CCDC77: variants seen among roughly 807,000 people sequenced by gnomAD.
The protein encoded by CCDC77 is coiled-coil domain-containing protein 77.
Under a neutral mutation model 66.8 loss-of-function variants are expected in CCDC77, and 56 were observed. The observed-to-expected ratio is 0.84, with a 90% CI of 0.68 to 1.05. CCDC77 has a LOEUF of 1.05. Among genes scored for constraint, CCDC77 ranks in the 50% least tolerant of loss-of-function variants. CCDC77 has a pLI of 0.00. For missense variants in CCDC77, 570 were observed against 576.8 expected, an observed-to-expected ratio of 0.99 and a Z score of 0.12; for synonymous variants, 196 against 195.2, an observed-to-expected ratio of 1.00 and a Z score of -0.03.
upstream of CCDC77, among the ~76,000 whole-genome samples, chr12:397,852 T>C (rs1417816410): frequency 7.2e-5 from 11 of 152,168 alleles, no homozygotes; most frequent in Admixed American, 7.2e-4. Context: ...TTCACTGTCT[T>C]AGCCAGGATG....
At chr12:393,296 T>A (rs1276900572) in intron 1 of CCDC77, among the ~76,000 whole-genome samples, 2 of 151,904 alleles carry the variant, frequency 1.3e-5, no homozygotes, top group African/African-American at 4.8e-5. Context: ...AATTTTTTTG[T>A]AGACATGGGA....
In CCDC77 at chr12:391,471, T is replaced by G. The variant is rs539546651; in HGVS notation, c.-113+1985T>G. Among the ~76,000 whole-genome samples the G allele has an allele frequency of 6.6e-5, 10 of 152,102 alleles. No individual in the cohort carries two copies. The South Asian group carries it at 1.9e-3, about 28-fold the overall frequency. ...ACTCTGTCTCCAAAAAAAAAAAAATTTACAACAAAGTCTTTGATTTTTACC... is the reference window on the plus strand; with the variant it reads ...ACTCTGTCTCCAAAAAAAAAAAAATGTACAACAAAGTCTTTGATTTTTACC... On this transcript the variant is annotated intron_variant, in intron 1 of 11. Transcript: ENST00000422000.
chr12:425,685 T>G (rs1230312865), intron 5 of CCDC77, among the ~76,000 whole-genome samples: 2 of 152,068 alleles, frequency 1.3e-5, no homozygotes, highest in Non-Finnish European at 2.9e-5. Context: ...ATCACAGCCT[T>G]AAAAACTTCA....
chr12:389,581 G>C (rs941707895), intron 1 of CCDC77: 2 of 278,578 alleles, frequency 7.2e-6, no homozygotes, highest in East Asian at 1.2e-4. Context: ...CAACGAGGCG[G>C]GGCGAGGCGC....
chr12:396,772 T>A (rs1414575159), upstream of CCDC77, among the ~76,000 whole-genome samples: 1 of 152,336 alleles, frequency 6.6e-6, no homozygotes, highest in Non-Finnish European at 1.5e-5. Flanking sequence ...GTTCAGGAGA[T>A]GACCACATCA....
intron 5 of CCDC77, among the ~76,000 whole-genome samples, chr12:423,487 T>G (rs1383627577): frequency 6.3e-5 from 2 of 31,626 alleles, no homozygotes; most frequent in African/African-American, 1.5e-4. Flanking sequence ...GTGTTTTTTT[T>G]TGTTTTGTTT....
chr12:410,860 T>C (rs976413026), intron 3 of CCDC77, among the ~76,000 whole-genome samples: 1 of 152,240 alleles, frequency 6.6e-6, no homozygotes, highest in Non-Finnish European at 1.5e-5. Context: ...ATATGTCTTA[T>C]GGTACTACAT....
In CCDC77 at chr12:418,588, G is replaced by A. The variant is rs992245217; in HGVS notation, c.365G>A (p.Arg122Gln). 5.6e-6 allele frequency: 9 copies of A among 1,614,002 alleles called. No individual in the cohort carries two copies. The highest frequency in any genetic ancestry group is 5.3e-5 in the African/African-American group (4 of 74,922). ...SDMQVCLFQE[R>Q]EHVLRLYSEN... The stretch of plus-strand genomic sequence containing the variant: ...ATGCAGGTCTGCCTCTTCCAGGAAC[G>A]GGAACATGTTTTACGCCTCTACTCA... Residue 122 changes from arginine to glutamine, a missense_variant, in exon 5 of 13, where the codon CGG (arginine) becomes CAG (glutamine). Coordinates refer to ENST00000239830, the MANE Select transcript of CCDC77 (RefSeq NM_032358.4).
chr12:389,362 C>T, exon 1 of CCDC77: 2 of 607,366 alleles, frequency 3.3e-6, no homozygotes, highest in Non-Finnish European at 6.0e-6. Context: ...CCTTCCGCAG[C>T]TGCACGACGC....
intron 7 of CCDC77, among the ~76,000 whole-genome samples, 200 bp downstream of exon 7, chr12:430,936 C>T (rs558457041): frequency 4.0e-5 from 6 of 151,840 alleles, no homozygotes; most frequent in South Asian, 4.2e-4. Flanking sequence ...AAAAACTAGC[C>T]GGGTGTGGTG....
At chr12:428,532 A>G (rs2137598166) in intron 5 of CCDC77, among the ~76,000 whole-genome samples, 1 of 150,252 alleles carries the variant, frequency 6.7e-6, no homozygotes, top group Non-Finnish European at 1.5e-5. Context: ...AAAAAAAAAA[A>G]AAAAGAATTA....
At chr12:396,302 G>C (rs1944827743) in intron 1 of CCDC77, among the ~76,000 whole-genome samples, 1 of 152,172 alleles carries the variant, frequency 6.6e-6, no homozygotes, top group East Asian at 1.9e-4. Flanking sequence ...TGAGCCCAGA[G>C]AATCGCTTGA....
intron 4 of CCDC77, among the ~76,000 whole-genome samples, chr12:416,334 GGTGTGT>G (rs752778079): frequency 7.9e-5 from 4 of 50,794 alleles, no homozygotes; most frequent in East Asian, 4.5e-4. Flanking sequence ...TGAGTCTGTG[GGTGTGT>G]GGGGGTGTGT....
intron 1 of CCDC77, among the ~76,000 whole-genome samples, chr12:395,560 CAATAAAAATAATAATAAAT>C (rs1565559997): frequency 2.0e-5 from 3 of 150,732 alleles, no homozygotes. Context: ...GAAAAAAAAA[CAATAAAAATAATAATAAAT>C]AATAAAAATA....
chr12:416,912 G>A (rs551090735), intron 4 of CCDC77, among the ~76,000 whole-genome samples: 19 of 90,496 alleles, frequency 2.1e-4, no homozygotes, highest in South Asian at 1.3e-3. Context: ...GTTCGAGGCC[G>A]GCGGATCACC....
At chr12:418,920 A>C in intron 5 of CCDC77, 1 of 323,076 alleles carries the variant, frequency 3.1e-6, no homozygotes, top group Non-Finnish European at 5.8e-6. Context: ...GCTGGTCTCG[A>C]ACTCTTGGCC....
chr12:398,441 C>T (rs1471223471), upstream of CCDC77, among the ~76,000 whole-genome samples: 2 of 89,660 alleles, frequency 2.2e-5, no homozygotes, highest in Non-Finnish European at 2.6e-5. Context: ...CTTCAGGTTC[C>T]ACTTTTTTTT....
intron 9 of CCDC77, among the ~76,000 whole-genome samples, chr12:436,049 C>T (rs1945742901): frequency 6.6e-6 from 1 of 151,480 alleles, no homozygotes; most frequent in Non-Finnish European, 1.5e-5. Context: ...CTTGCACTCT[C>T]ATTCTTAGTA....
chr12:406,076 T>C (rs909508952), intron 2 of CCDC77, among the ~76,000 whole-genome samples: 4 of 152,034 alleles, frequency 2.6e-5, no homozygotes, highest in African/African-American at 9.7e-5. Context: ...TGCCACCACA[T>C]CTGGCTAATT....
Sources: gnomAD v4.1 joint callset for allele counts (sites outside exome capture counted in the v4.1 genomes callset) on GRCh38, gnomAD v4.1.1 for gene constraint, MANE v1.5 for transcripts, NCBI Gene and HGNC (gene_info 2026-07-23, HGNC 2026-07-21) for gene names.